Variants in ASIC2 observed in about 807,000 individuals in gnomAD.
The protein encoded by ASIC2 is acid sensing ion channel subunit 2.
Under a neutral mutation model 57.3 loss-of-function variants are expected in ASIC2, and 25 were observed. The observed-to-expected ratio is 0.44, with a 90% CI of 0.32 to 0.61. The LOEUF is 0.61. Among genes scored for constraint, ASIC2 ranks in the 20% least tolerant of loss-of-function variants. The pLI is 0.06. For synonymous variants in ASIC2, 319 were observed against 307.5 expected (o/e 1.04, Z -0.39); for missense variants, 641 against 738.1 (o/e 0.87, Z 1.52).
At chr17:33,822,517 C>T (rs920416468) in intron 1 of ASIC2, among the ~76,000 whole-genome samples, 3 of 152,144 alleles carry the variant, frequency 2.0e-5, no homozygotes, top group Non-Finnish European at 4.4e-5. Context: ...TCAGATTTTT[C>T]ACTCTTTTCT....
intron 1 of ASIC2, among the ~76,000 whole-genome samples, chr17:33,823,190 T>G (rs1912801056): frequency 6.6e-6 from 1 of 152,194 alleles, no homozygotes; most frequent in South Asian, 2.1e-4. Context: ...TAAAGCTAAC[T>G]AACTAGCTCG....
intron 1 of ASIC2, chr17:33,579,998 G>C (rs1260900922): frequency 6.6e-6 from 1 of 152,128 alleles, no homozygotes; most frequent in African/African-American, 2.4e-5. Context: ...CAAACCTCTA[G>C]CTAGACACAG....
At chr17:33,692,971 G>A (rs1329246894) in intron 1 of ASIC2, among the ~76,000 whole-genome samples, 1 of 152,132 alleles carries the variant, frequency 6.6e-6, no homozygotes, top group Non-Finnish European at 1.5e-5. Context: ...ATTTGTTTTT[G>A]CATTAAGTTC....
At chr17:33,664,122 C>A (rs1046221565) in intron 1 of ASIC2, among the ~76,000 whole-genome samples, 7 of 152,178 alleles carry the variant, frequency 4.6e-5, no homozygotes, top group Admixed American at 3.9e-4. Flanking sequence ...TGCACACTTA[C>A]GACGTCAGCC....
chr17:34,043,824 T>C (rs1908228031), intron 1 of ASIC2, among the ~76,000 whole-genome samples: 1 of 152,152 alleles, frequency 6.6e-6, no homozygotes, highest in Non-Finnish European at 1.5e-5. Context: ...TCCTGGCTGG[T>C]GGCCTTTGAG....
intron 1 of ASIC2, among the ~76,000 whole-genome samples, chr17:33,906,618 T>C (rs968785934): frequency 6.6e-6 from 1 of 152,218 alleles, no homozygotes; most frequent in East Asian, 1.9e-4. Context: ...AGTATATTCA[T>C]GCTGTTAACA....
chr17:33,049,328 T>C (rs906180234), intron 3 of ASIC2, among the ~76,000 whole-genome samples: 1 of 152,208 alleles, frequency 6.6e-6, no homozygotes, highest in African/African-American at 2.4e-5. Flanking sequence ...ATTGGCCCAG[T>C]TTCCCTGTCT....
intron 1 of ASIC2, among the ~76,000 whole-genome samples, chr17:33,927,138 AG>A (rs1407781585): frequency 6.6e-6 from 1 of 152,160 alleles, no homozygotes; most frequent in Non-Finnish European, 1.5e-5. Context: ...CATGTTGGCC[AG>A]GCTGGTCTCA....
chr17:33,249,617 G>A (rs1192060049), intron 1 of ASIC2, among the ~76,000 whole-genome samples: 1 of 152,168 alleles, frequency 6.6e-6, no homozygotes, highest in Non-Finnish European at 1.5e-5. Flanking sequence ...GTATAACATG[G>A]CCTTCACGCC....
At chr17:33,272,123 T>C (rs778522622) in intron 1 of ASIC2, among the ~76,000 whole-genome samples, 1 of 152,248 alleles carries the variant, frequency 6.6e-6, no homozygotes, top group Non-Finnish European at 1.5e-5. Context: ...AAATGCCACC[T>C]GTTCATGCAG....
intron 1 of ASIC2, among the ~76,000 whole-genome samples, chr17:33,805,963 A>T (rs186423626): frequency 1.3e-5 from 2 of 152,342 alleles, no homozygotes; most frequent in Admixed American, 1.3e-4. Context: ...TTATAGTTCA[A>T]GAGAACAGGC....
At chr17:33,238,986 A>G (rs1908400871) in intron 1 of ASIC2, among the ~76,000 whole-genome samples, 1 of 151,940 alleles carries the variant, frequency 6.6e-6, no homozygotes, top group African/African-American at 2.4e-5. Context: ...CCTGAATGAC[A>G]GAGAGAGACT....
At chr17:34,037,858 A>G in intron 1 of ASIC2, 1 of 1,613,922 alleles carries the variant, frequency 6.2e-7, no homozygotes, top group Non-Finnish European at 8.5e-7. Context: ...TAAGAATCGT[A>G]TTCTCTTGTA....
intron 1 of ASIC2, among the ~76,000 whole-genome samples, chr17:33,746,352 C>A (rs558950170): frequency 7.0e-6 from 1 of 143,518 alleles, no homozygotes; most frequent in African/African-American, 2.6e-5. Context: ...ATACATGTAT[C>A]TACCTATATA....
chr17:33,939,383 C>A (rs143216093), intron 1 of ASIC2, among the ~76,000 whole-genome samples: 4,303 of 152,300 alleles, frequency 0.028, 94 homozygotes, highest in Middle Eastern at 0.061. Context: ...TGGCTCTAGG[C>A]CTGGTGATTT....
intron 1 of ASIC2, among the ~76,000 whole-genome samples, chr17:33,230,643 A>G (rs1054755169): frequency 6.6e-6 from 1 of 152,138 alleles, no homozygotes; most frequent in African/African-American, 2.4e-5. Flanking sequence ...TCATGACTGT[A>G]TGTACCAAAT....
chr17:34,129,783 T>G (rs1411310557), intron 1 of ASIC2, among the ~76,000 whole-genome samples: 1 of 152,230 alleles, frequency 6.6e-6, no homozygotes, highest in Admixed American at 6.5e-5. Flanking sequence ...CTGCTTCCAA[T>G]CTTCTTGGAT....
intron 1 of ASIC2, among the ~76,000 whole-genome samples, chr17:33,943,908 C>T (rs1360952446): frequency 7.2e-5 from 11 of 152,062 alleles, no homozygotes; most frequent in Non-Finnish European, 1.6e-4. Context: ...TCTTCTGATT[C>T]ACCCTCGGAG....
At chr17:34,083,877 T>G (rs1395458483) in intron 1 of ASIC2, among the ~76,000 whole-genome samples, 1 of 152,232 alleles carries the variant, frequency 6.6e-6, no homozygotes, top group African/African-American at 2.4e-5. Flanking sequence ...TTGTTTGTTT[T>G]TTTCTTGTAA....
Sources: allele counts gnomAD v4.1 joint callset (sites outside exome capture counted in the v4.1 genomes callset), GRCh38; gene constraint gnomAD v4.1.1; transcripts MANE v1.5; gene names NCBI Gene and HGNC (gene_info 2026-07-23, HGNC 2026-07-21).